RNF217: variants seen among roughly 807,000 people sequenced by gnomAD.
RNF217 encodes ring finger protein 217, also known as E3 ubiquitin-protein ligase RNF217.
A neutral mutation model predicts 57.8 loss-of-function variants in RNF217; 31 were observed. That is an observed-to-expected ratio of 0.54 (90% CI 0.40 to 0.72). RNF217 has a LOEUF of 0.72. Among genes scored for constraint, RNF217 ranks in the 30% least tolerant of loss-of-function variants. The pLI, the probability that RNF217 is intolerant of heterozygous loss-of-function variation, is 0.00. For missense variants in RNF217, 696 were observed against 708.3 expected (o/e 0.98, Z 0.20); for synonymous variants, 313 against 294.0 (o/e 1.06, Z -0.66).
In RNF217 at chr6:125,082,957, A is replaced by T. The variant is rs760038578; in HGVS notation, c.*20A>T. The T allele has an allele frequency of 1.3e-6, 2 of 1,572,296 alleles. No homozygotes were observed. The highest frequency in any genetic ancestry group is 4.0e-5 in the Admixed American group (2 of 49,584). On this transcript the variant is annotated 3_prime_UTR_variant, in exon 6 of 6. Transcript: ENST00000521654. ...TGGTAACATGCAGATGATTTCATCC[A>T]GCTAAGCTGGTTGGAGTAGGAGCGA...
chr6:125,065,021 A>G (rs1000114160), intron 3 of RNF217, among the ~76,000 whole-genome samples: 1 of 152,114 alleles, frequency 6.6e-6, no homozygotes, highest in Non-Finnish European at 1.5e-5. Flanking sequence ...CACGCCGGTA[A>G]TCCCAGCACT....
chr6:125,000,785 T>G (rs1053635753), intron 1 of RNF217, among the ~76,000 whole-genome samples: 1 of 152,116 alleles, frequency 6.6e-6, no homozygotes, highest in Non-Finnish European at 1.5e-5. Flanking sequence ...GCCGTATTAC[T>G]GGAAGGGGTA....
At chr6:124,994,835 G>A (rs1784687858) in intron 1 of RNF217, among the ~76,000 whole-genome samples, 1 of 152,088 alleles carries the variant, frequency 6.6e-6, no homozygotes, top group Admixed American at 6.5e-5. Context: ...GAATTTTATA[G>A]CTCCGTGGCT....
intron 2 of RNF217, among the ~76,000 whole-genome samples, chr6:125,047,893 CT>C (rs1787155731): frequency 6.6e-6 from 1 of 152,044 alleles, no homozygotes; most frequent in Non-Finnish European, 1.5e-5. Flanking sequence ...AAGAGTAAAA[CT>C]ACCACAGAAT....
chr6:125,083,962 G>A lies in RNF217; in HGVS notation c.*1025G>A, dbSNP rs1239838558. Reference sequence around the variant, plus strand: ...ATTATTTAATCCCAAAAACAAGTTTGCTGTAGACAACTGCTTAAGCCTTTA... The same window carrying A: ...ATTATTTAATCCCAAAAACAAGTTTACTGTAGACAACTGCTTAAGCCTTTA... On this transcript the variant is annotated 3_prime_UTR_variant, in exon 6 of 6. Transcript: ENST00000521654. 3.9e-5 allele frequency: 6 copies of A among 152,094 alleles called. No homozygotes were observed. The South Asian group carries it at 1.2e-3, about 32-fold the overall frequency. The allele number at this position is 152,094 out of a possible 1,614,324, so 9.4% of individuals were successfully genotyped here.
chr6:124,990,113 G>A (rs1294265058), intron 1 of RNF217, among the ~76,000 whole-genome samples: 1 of 152,098 alleles, frequency 6.6e-6, no homozygotes, highest in East Asian at 1.9e-4. Context: ...TATCCTCCTT[G>A]AAATACTTTC....
intron 1 of RNF217, among the ~76,000 whole-genome samples, chr6:124,974,615 C>G (rs969588333): frequency 6.6e-6 from 1 of 152,134 alleles, no homozygotes; most frequent in Non-Finnish European, 1.5e-5. Context: ...ATCAAAATTA[C>G]AGCTTCAGCT....
In RNF217 at chr6:124,962,926, C is replaced by G; in HGVS notation, c.382C>G (p.Pro128Ala). Residue 128 changes from proline to alanine, a missense_variant, in exon 1 of 6, where the codon CCC (proline) becomes GCC (alanine). Around this residue, in one of 2 missense-constraint regions of RNF217, gnomAD observed 465 missense variants for 386.8 expected, o/e 1.20. Transcript: ENST00000521654. The surrounding 1 kb of genome is among the most constrained non-coding windows in gnomAD (Gnocchi z 4.6). ...GGGAGGGGATGAACAGCAGGAGGCG[C>G]CCCCCGGCGAAGAGCTGGAGCCCAG... ...KEGGDEQQEAPPGEELEPRTR... is the reference protein window; with the variant it reads ...KEGGDEQQEAAPGEELEPRTR... The G allele has an allele frequency of 6.3e-7, 1 of 1,597,584 alleles. No individual in the cohort carries two copies.
chr6:125,042,494 A>T (rs570696555), intron 1 of RNF217, among the ~76,000 whole-genome samples: 1 of 152,198 alleles, frequency 6.6e-6, no homozygotes, highest in African/African-American at 2.4e-5. Flanking sequence ...TCAGTGTAGT[A>T]GGATAGGGAT....
rs1282299394 is a variant in RNF217 at position 125,090,541 on chromosome 6, C to G, written c.*7604C>G. Reference sequence around the variant, plus strand: ...GTTATTACTGTATATTCAGAAATTACAGTTCTAAGGAATTATTGTCATCCT... The same window carrying G: ...GTTATTACTGTATATTCAGAAATTAGAGTTCTAAGGAATTATTGTCATCCT... On this transcript the variant is annotated 3_prime_UTR_variant, in exon 6 of 6. Transcript: ENST00000521654. 6.6e-6 allele frequency: 1 copy of G among 151,556 alleles called. No homozygotes were observed. Among genetic ancestry groups the G allele is most frequent in the Non-Finnish European group, 1.5e-5 (1 of 67,726 alleles). The allele number at this position is 151,556 out of a possible 1,614,324, so 9.4% of individuals were successfully genotyped here.
intron 1 of RNF217, among the ~76,000 whole-genome samples, chr6:125,044,783 A>C (rs1787031290): frequency 6.6e-6 from 1 of 152,226 alleles, no homozygotes; most frequent in South Asian, 2.1e-4. Context: ...GTGCTGAAGT[A>C]TTCTGCAGTG....
rs1031266161 is a variant in RNF217 at position 125,091,952 on chromosome 6, A to T, written c.*9015A>T. The stretch of plus-strand genomic sequence containing the variant: ...GCTAGGTTTGTTATATTCTTTATGT[A>T]TCATAATATATAATTCAACTTTTCC... On this transcript the variant is annotated 3_prime_UTR_variant, in exon 6 of 6. Transcript: ENST00000521654. 3.3e-5 allele frequency: 5 copies of T among 152,150 alleles called. No individual in the cohort carries two copies. Among genetic ancestry groups the T allele is most frequent in the African/African-American group, 1.2e-4 (5 of 41,422 alleles). 9.4% of individuals were successfully genotyped at this position (152,150 alleles called of 1,614,324 possible).
At chr6:124,976,708 TTGAC>T (rs1272241869) in intron 1 of RNF217, among the ~76,000 whole-genome samples, 1 of 152,106 alleles carries the variant, frequency 6.6e-6, no homozygotes, top group African/African-American at 2.4e-5. Flanking sequence ...TTTCACCATG[TTGAC>T]CAGGCTGGTT....
intron 1 of RNF217, among the ~76,000 whole-genome samples, chr6:125,013,498 C>T (rs574315094): frequency 3.1e-4 from 47 of 150,818 alleles, no homozygotes; most frequent in Middle Eastern, 6.8e-3. Flanking sequence ...GGGGAGCTTT[C>T]CAGGGAGAAG....
At chr6:125,066,375 C>T (rs777183188) in intron 3 of RNF217, among the ~76,000 whole-genome samples, 13 of 152,178 alleles carry the variant, frequency 8.5e-5, no homozygotes, top group Non-Finnish European at 1.5e-4. Context: ...TGTCCCCACT[C>T]TGTGACTCCT....
rs150032644 is a variant in RNF217 at position 125,024,625 on chromosome 6, C to T, written c.883-20586C>T. Reference sequence around the variant, plus strand: ...CCCAGCTACTCGGGAGGCTGAGGCACGAGAGAATCTCTTGAGCCCGGGAGG... The same window carrying T: ...CCCAGCTACTCGGGAGGCTGAGGCATGAGAGAATCTCTTGAGCCCGGGAGG... On this transcript the variant is annotated intron_variant, in intron 1 of 5. Coordinates refer to ENST00000521654, the MANE Select transcript of RNF217 (RefSeq NM_001286398.3). Among the ~76,000 whole-genome samples, 118 of 150,060 alleles carry T rather than the reference C, an allele frequency of 7.9e-4. 1 individual carries two copies. Among genetic ancestry groups the T allele is most frequent in the African/African-American group, 2.8e-3 (114 of 40,800 alleles).
At chr6:125,020,431 T>G (rs1785792794) in intron 1 of RNF217, among the ~76,000 whole-genome samples, 1 of 152,372 alleles carries the variant, frequency 6.6e-6, no homozygotes, top group East Asian at 1.9e-4. Flanking sequence ...GCATTTGGTA[T>G]TCACAAGTCC....
intron 1 of RNF217, among the ~76,000 whole-genome samples, chr6:124,993,689 A>T (rs1160975946): frequency 1.3e-5 from 2 of 152,208 alleles, no homozygotes; most frequent in African/African-American, 4.8e-5. Flanking sequence ...GCTGGGCGGC[A>T]CATAGGAAGG....
chr6:125,029,324 C>T (rs1438981017), intron 1 of RNF217, among the ~76,000 whole-genome samples: 1 of 152,066 alleles, frequency 6.6e-6, no homozygotes, highest in African/African-American at 2.4e-5. Context: ...TTTATTTTTT[C>T]ATATTCAAAT....
Sources: gnomAD v4.1 joint callset for allele counts (sites outside exome capture counted in the v4.1 genomes callset) on GRCh38, gnomAD v4.1.1 for gene constraint, gnomAD v4.1.1 regional missense constraint, Gnocchi (gnomAD v3.1) non-coding constraint, MANE v1.5 for transcripts, NCBI Gene and HGNC (gene_info 2026-07-23, HGNC 2026-07-21) for gene names.